The following HELLS variants were observed in gnomAD, a reference collection of about 807,000 sequenced individuals.
HELLS encodes helicase, lymphoid specific, also known as lymphoid-specific helicase.
A neutral mutation model predicts 120.0 loss-of-function variants in HELLS; 32 were observed. That is an observed-to-expected ratio of 0.27 (90% CI 0.20 to 0.36). The LOEUF (loss-of-function observed/expected upper bound fraction) is 0.36. Ranked by LOEUF, HELLS falls within the 10% of genes least tolerant of loss-of-function variation. HELLS has a pLI of 1.00. For synonymous variants in HELLS, 341 were observed against 323.4 expected (o/e 1.05, Z -0.58); for missense variants, 650 against 993.4 (o/e 0.65, Z 4.65).
intron 15 of HELLS, 92 bp from the exon 16 acceptor site, chr10:94,592,137 G>A (rs1845518422): frequency 3.3e-6 from 3 of 898,254 alleles, no homozygotes; most frequent in Admixed American, 2.6e-5. Context: ...AAGTGACTTG[G>A]CTTTGAAAAT....
chr10:94,602,415 A>G (rs766832463), downstream of HELLS, among the ~76,000 whole-genome samples: 17 of 152,212 alleles, frequency 1.1e-4, no homozygotes, highest in Non-Finnish European at 2.2e-4. Flanking sequence ...TAAGTAATGC[A>G]CAATCTGTAA....
intron 6 of HELLS, chr10:94,570,516 G>A (rs1844090290): frequency 6.6e-6 from 1 of 151,774 alleles, no homozygotes; most frequent in Non-Finnish European, 1.5e-5. Flanking sequence ...ACTCTTCTAT[G>A]AATCTTAAAT....
At chr10:94,606,191 A>G (rs901492631), downstream of HELLS, among the ~76,000 whole-genome samples, 3 of 151,460 alleles carry the variant, frequency 2.0e-5, no homozygotes, top group African/African-American at 7.3e-5. Flanking sequence ...CTCATGTGAC[A>G]CCATGCCCAT....
chr10:94,556,276 A>G (rs1406796007), intron 3 of HELLS, among the ~76,000 whole-genome samples: 1 of 152,180 alleles, frequency 6.6e-6, no homozygotes. Flanking sequence ...TTTTGTGTTG[A>G]TTGTTGAGTG....
intron 4 of HELLS, 152 bp from the exon 5 acceptor site, chr10:94,562,539 A>T: frequency 3.9e-6 from 2 of 511,776 alleles, no homozygotes; most frequent in Non-Finnish European, 7.0e-6. Context: ...AATACAGAAA[A>T]ATATTACATG....
intron 9 of HELLS, among the ~76,000 whole-genome samples, chr10:94,576,255 C>T (rs1844475249): frequency 1.3e-5 from 2 of 152,126 alleles, no homozygotes; most frequent in South Asian, 4.1e-4. Context: ...CTCATGTGAA[C>T]CTCCCATCTC....
chr10:94,612,119 G>A (rs990106502), exon 10 of HELLS: 2 of 152,170 alleles, frequency 1.3e-5, no homozygotes, highest in African/African-American at 4.8e-5. Context: ...ATCCAAACCA[G>A]TGTTTGGGGG....
intron 21 of HELLS, 116 bp downstream of exon 21, chr10:94,597,227 C>A: frequency 1.8e-6 from 1 of 565,600 alleles, no homozygotes; most frequent in Admixed American, 3.5e-5. Flanking sequence ...GTTTTATTGT[C>A]ATTTTTCTTC....
At chr10:94,593,009 C>T (rs577143745) in intron 17 of HELLS, among the ~76,000 whole-genome samples, 11 of 152,218 alleles carry the variant, frequency 7.2e-5, no homozygotes, top group Non-Finnish European at 1.2e-4. Flanking sequence ...TACCCTTTTC[C>T]GTAATGACTT....
intron 4 of HELLS, among the ~76,000 whole-genome samples, chr10:94,561,741 A>G (rs1564583587): frequency 1.3e-5 from 2 of 152,270 alleles, no homozygotes; most frequent in South Asian, 2.1e-4. Flanking sequence ...TGCTGGGATT[A>G]TAGGTGTGAG....
At chr10:94,546,881 G>A (rs1842775394) in intron 2 of HELLS, among the ~76,000 whole-genome samples, 1 of 152,204 alleles carries the variant, frequency 6.6e-6, no homozygotes, top group Admixed American at 6.5e-5. Context: ...ACCTGCAGAA[G>A]TAATGTACTA....
intron 21 of HELLS, among the ~76,000 whole-genome samples, chr10:94,600,745 A>G (rs1365861625): frequency 6.6e-6 from 1 of 152,194 alleles, no homozygotes; most frequent in African/African-American, 2.4e-5. Context: ...AAGACAAGAA[A>G]ATATATTTAT....
chr10:94,583,186 A>G (rs1844959597), intron 12 of HELLS, 127 bp downstream of exon 12: 1 of 466,166 alleles, frequency 2.1e-6, no homozygotes, highest in South Asian at 4.8e-5. Context: ...CATTTAAATG[A>G]CTCCTTTGTC....
In HELLS at chr10:94,581,523, G is replaced by A; in HGVS notation, c.1229+1G>A. ...CAGATGTATTTGATGACTTGAAAAG[G>A]TGGGTAAGCCAGTTATTTAATGATT... On this transcript the variant is annotated splice_donor_variant, in intron 11 of 21. Transcript: ENST00000348459. LOFTEE classifies it high-confidence loss of function. 6.3e-7 allele frequency: 1 copy of A among 1,596,644 alleles called. No individual in the cohort carries two copies.
At chr10:94,565,253 C>T (rs776272300) in intron 6 of HELLS, among the ~76,000 whole-genome samples, 1 of 152,094 alleles carries the variant, frequency 6.6e-6, no homozygotes, top group Non-Finnish European at 1.5e-5. Context: ...AGGAGAATCA[C>T]GAACCTGGGA....
chr10:94,558,347 C>T, intron 4 of HELLS, 152 bp downstream of exon 4: 1 of 938,532 alleles, frequency 1.1e-6, no homozygotes, highest in Non-Finnish European at 1.5e-6. Context: ...CATGTAAAAT[C>T]TGTTCCTCAC....
chr10:94,555,803 A>G (rs1366855226), intron 3 of HELLS, among the ~76,000 whole-genome samples: 1 of 151,844 alleles, frequency 6.6e-6, no homozygotes, highest in Non-Finnish European at 1.5e-5. Context: ...TTATTTTTGT[A>G]TTTTTTGTAG....
intron 4 of HELLS, among the ~76,000 whole-genome samples, chr10:94,561,640 A>AT (rs1030640326): frequency 1.3e-5 from 2 of 151,544 alleles, no homozygotes; most frequent in African/African-American, 4.8e-5. Flanking sequence ...TAATTTTCGC[A>AT]TTTTTTATAG....
chr10:94,546,153 G>T (rs1228632207), intron 1 of HELLS, among the ~76,000 whole-genome samples: 1 of 152,202 alleles, frequency 6.6e-6, no homozygotes, highest in African/African-American at 2.4e-5. Flanking sequence ...ATTTCACATA[G>T]GCAACTGCAT....
Sources: gnomAD v4.1 joint callset for allele counts (sites outside exome capture counted in the v4.1 genomes callset) on GRCh38, gnomAD v4.1.1 for gene constraint, MANE v1.5 for transcripts, NCBI Gene and HGNC (gene_info 2026-07-23, HGNC 2026-07-21) for gene names.